Variants in RCCD1 observed in about 807,000 individuals in gnomAD.
RCCD1 encodes RCC1 domain containing 1, also known as RCC1 domain-containing protein 1.
In RCCD1, 40 loss-of-function variants were observed where a neutral mutation model predicts 37.6. The ratio of observed to expected loss-of-function variants is 1.06; its 90% CI spans 0.83 to 1.39. RCCD1 has a LOEUF of 1.39. Among genes scored for constraint, RCCD1 ranks in the 40% most tolerant of loss-of-function variants. The pLI, the probability that RCCD1 is intolerant of heterozygous loss-of-function variation, is 0.00. For synonymous variants in RCCD1, 263 were observed against 230.0 expected (o/e 1.14, Z -1.30); for missense variants, 577 against 517.3 (o/e 1.12, Z -1.12).
intron 6 of RCCD1, 177 bp downstream of exon 6, chr15:90,960,675 C>G: frequency 1.5e-6 from 1 of 647,890 alleles, no homozygotes; most frequent in South Asian, 1.9e-5. Flanking sequence ...GCCTGTCAGG[C>G]CCAGAAGTTT....
rs2037278996 is a variant in RCCD1, at chr15:90,959,896, T to TAA, written c.680-4_680-3insAA. The stretch of plus-strand genomic sequence containing the variant: ...GTTTCATGTGTCCCCTTGATCTCTT[T>TAA]CAGAGACTGGGGATATTTATATCTG... On this transcript the variant is annotated splice_region_variant and splice_polypyrimidine_tract_variant and intron_variant, in intron 4 of 7. Transcript: ENST00000394258. The TAA allele has an allele frequency of 6.2e-7, 1 of 1,606,692 alleles. No homozygotes were observed. The highest frequency in any genetic ancestry group is 1.3e-5 in the African/African-American group (1 of 74,750).
At position 90,959,898 on chromosome 15, in the gene RCCD1, A is replaced by G. The variant is rs1303684439; in HGVS notation, c.680-2A>G. On this transcript the variant is annotated splice_acceptor_variant, in intron 4 of 7. Coordinates refer to ENST00000394258, the MANE Select transcript of RCCD1 (RefSeq NM_001017919.2). LOFTEE classifies it high-confidence loss of function. ...TTCATGTGTCCCCTTGATCTCTTTC[A>G]GAGACTGGGGATATTTATATCTGGG... is the stretch of plus-strand genomic sequence containing the variant. 4 of 1,609,050 alleles carry G rather than the reference A, an allele frequency of 2.5e-6. No individual in the cohort carries two copies. The highest frequency in any genetic ancestry group is 1.1e-5 in the South Asian group (1 of 90,762).
Position 90,961,721 on chromosome 15 carries a change from T to A in RCCD1, c.1083T>A (p.Cys361Ter), listed in dbSNP as rs770584813. 5 of 1,614,152 alleles carry A rather than the reference T, an allele frequency of 3.1e-6. No individual in the cohort carries two copies. Among genetic ancestry groups the A allele is most frequent in the Non-Finnish European group, 1.7e-6 (2 of 1,180,020 alleles). The change falls in exon 8 of 8, where the codon TGT (cysteine) becomes TGA (stop). Residue 361 changes from cysteine to a stop codon, truncating the protein, a stop_gained. Transcript: ENST00000394258. LOFTEE classifies it high-confidence loss of function. ...DKQLQVKAVTCGPWNTYVYAV... is the reference protein window; with the variant it reads ...DKQLQVKAVT ...AACTCCAAGTAAAGGCTGTCACCTG[T>A]GGGCCGTGGAACACCTACGTGTATG...
At position 90,959,922 on chromosome 15, in the gene RCCD1, G is replaced by A. The variant is rs1260120312; in HGVS notation, c.702G>A (p.Trp234Ter). The A allele has an allele frequency of 1.2e-6, 2 of 1,613,298 alleles. No homozygotes were observed. Among genetic ancestry groups the A allele is most frequent in the Non-Finnish European group, 1.7e-6 (2 of 1,179,562 alleles). The change falls in exon 5 of 8, where the codon TGG becomes TGA. Residue 234 changes from tryptophan (W) to a stop codon, truncating the protein, a stop_gained. Transcript: ENST00000394258. LOFTEE classifies it high-confidence loss of function. ...CAGAGACTGGGGATATTTATATCTG[G>A]GGCTGGAATGAATCAGGGCAGCTGG... Reference protein sequence around the residue: ...CVSETGDIYIWGWNESGQLAL... With the variant: ...CVSETGDIYI
At chr15:90,958,424 C>T (rs1169819897) in intron 4 of RCCD1, among the ~76,000 whole-genome samples, 2 of 151,846 alleles carry the variant, frequency 1.3e-5, no homozygotes, top group African/African-American at 4.8e-5. Context: ...GTCAGGAGTT[C>T]GAGATCAGCC....
At chr15:90,958,168 C>G (rs1449824848) in intron 4 of RCCD1, among the ~76,000 whole-genome samples, 3 of 152,200 alleles carry the variant, frequency 2.0e-5, no homozygotes, top group Non-Finnish European at 4.4e-5. Context: ...GTGGTGGTGC[C>G]ACAGCTGGCC....
intron 7 of RCCD1, 150 bp downstream of exon 7, chr15:90,961,204 G>T (rs2037307975): frequency 1.4e-6 from 1 of 739,658 alleles, no homozygotes; most frequent in East Asian, 2.6e-5. Context: ...CCCTGGGGTT[G>T]GAACAGACAT....
intron 1 of RCCD1, 65 bp from the exon 2 acceptor site, chr15:90,956,547 G>A: frequency 2.0e-6 from 1 of 497,958 alleles, no homozygotes; most frequent in Non-Finnish European, 3.1e-6. Context: ...CGCCTGCTCA[G>A]CGAACCTTCG....
intron 1 of RCCD1, chr15:90,956,015 A>G (rs1159218300): frequency 6.6e-6 from 1 of 152,224 alleles, no homozygotes; most frequent in Non-Finnish European, 1.5e-5. Context: ...TACTCGCACC[A>G]AACCCTTTAT....
intron 7 of RCCD1, 136 bp downstream of exon 7, chr15:90,961,190 C>T (rs2037307819): frequency 2.4e-6 from 2 of 820,990 alleles, no homozygotes; most frequent in Admixed American, 2.4e-5. Flanking sequence ...CAGGACTGCT[C>T]CCTCCCTGGG....
chr15:90,956,865 T>G lies in RCCD1; in HGVS notation c.131T>G (p.Val44Gly), dbSNP rs1172603134. Residue 44 changes from valine to glycine, a missense_variant, in exon 2 of 8, where the codon GTG becomes GGG. By Grantham distance (109) the Val-to-Gly change is moderately radical. Coordinates refer to ENST00000394258, the MANE Select transcript of RCCD1 (RefSeq NM_001017919.2). Reference sequence around the variant, plus strand: ...CGGGCGGGCGTCGACATCTGCCGCGTGAGCGCGAGCTGGAGCTACACCGCT... The same window carrying G: ...CGGGCGGGCGTCGACATCTGCCGCGGGAGCGCGAGCTGGAGCTACACCGCT... ...PLRAGVDICR[V>G]SASWSYTAFV... The G allele has an allele frequency of 7.7e-7, 1 of 1,291,066 alleles. No homozygotes were observed. Among genetic ancestry groups the G allele is most frequent in the East Asian group, 2.9e-5 (1 of 34,182 alleles). The allele number at this position is 1,291,066 out of a possible 1,614,324, so 80.0% of individuals were successfully genotyped here. A position where few individuals can be genotyped will look rare whatever the true frequency, so the allele number is the denominator to read the frequency against.
intron 4 of RCCD1, chr15:90,959,684 G>T (rs1014212958): frequency 1.7e-5 from 7 of 412,156 alleles, no homozygotes; most frequent in Non-Finnish European, 2.6e-5. Flanking sequence ...GAAGTAGAAG[G>T]TCCAGTAAGG....
chr15:90,960,374 G>T lies in RCCD1; in HGVS notation c.825G>T (p.Gly275=), dbSNP rs1271667246. Residue 275 remains glycine (G), a synonymous_variant, in exon 6 of 8, where the codon GGG becomes GGT. Transcript: ENST00000394258. ...EDGSQVKRTG[G]AEDGAPAPFI... Reference sequence around the variant, plus strand: ...GTTCTCAGGTGAAGAGAACGGGTGGGGCTGAGGATGGAGCCCCTGCCCCCT... The same window carrying T: ...GTTCTCAGGTGAAGAGAACGGGTGGTGCTGAGGATGGAGCCCCTGCCCCCT... 1 of 1,613,542 alleles carries T rather than the reference G, an allele frequency of 6.2e-7. No individual in the cohort carries two copies. The highest frequency in any genetic ancestry group is 1.3e-5 in the African/African-American group (1 of 74,906).
rs746041468 is a variant in RCCD1 at position 90,958,669 on chromosome 15, C to CCT, written c.679+946_679+947dup. Among the ~76,000 whole-genome samples the CCT allele has an allele frequency of 3.7e-4, 56 of 150,372 alleles. 1 individual carries two copies. The highest frequency in any genetic ancestry group is 6.3e-4 in the Non-Finnish European group (43 of 67,724). On this transcript the variant is annotated intron_variant, in intron 4 of 7. Transcript: ENST00000394258. The stretch of plus-strand genomic sequence containing the variant: ...AAAAAAGAAAAGCTACCAGTGCCTT[C>CCT]CTCCACACCATATTCTCATGGAATG...
Position 90,957,309 on chromosome 15 carries a change from G to T in RCCD1, c.363G>T (p.Gly121=). ...WAQNVVPEAE[G]EDDPAGEAQA... ...AGAATGTGGTGCCCGAGGCCGAAGG[G>T]GAAGACGATCCGGCCGGTGAGGCCC... Residue 121 remains glycine (G), a synonymous_variant, in exon 3 of 8, where the codon GGG becomes GGT. Transcript: ENST00000394258. 1.3e-6 allele frequency: 2 copies of T among 1,539,266 alleles called. No homozygotes were observed. Among genetic ancestry groups the T allele is most frequent in the East Asian group, 2.5e-5 (1 of 40,492 alleles).
chr15:90,961,570 C>T, intron 7 of RCCD1, 48 bp from the exon 8 acceptor site: 2 of 1,572,786 alleles, frequency 1.3e-6, no homozygotes, highest in Middle Eastern at 1.9e-4. Context: ...GGGAAAGCAG[C>T]AGCAAGACCC....
In RCCD1 at chr15:90,960,406, C is replaced by G. The variant is rs2037290747; in HGVS notation, c.857C>G (p.Ala286Gly). ...AEDGAPAPFI[A>G]VQPFPALLDL... The stretch of plus-strand genomic sequence containing the variant: ...GATGGAGCCCCTGCCCCCTTCATAG[C>G]TGTCCAGCCCTTCCCGGCATTACTG... The change falls in exon 6 of 8, where the codon GCT becomes GGT. Residue 286 changes from alanine (A) to glycine (G), a missense_variant. Coordinates refer to ENST00000394258, the MANE Select transcript of RCCD1 (RefSeq NM_001017919.2). 3 of 1,613,820 alleles carry G rather than the reference C, an allele frequency of 1.9e-6. No individual in the cohort carries two copies. The East Asian group carries it at 6.7e-5, about 36-fold the overall frequency.
Position 90,959,953 on chromosome 15 carries a change from C to T in RCCD1, c.733C>T (p.Pro245Ser). ...GWNESGQLAL[P>S]TRNLAEDGET... The stretch of plus-strand genomic sequence containing the variant: ...GAATGAATCAGGGCAGCTGGCCCTG[C>T]CCACCAGGAACCTGGCAGAGGATGG... The change falls in exon 5 of 8, where the codon CCC becomes TCC. Residue 245 changes from proline to serine, a missense_variant. Pro to Ser is a moderately conservative substitution (Grantham distance 74). Transcript: ENST00000394258. 1 of 1,613,714 alleles carries T rather than the reference C, an allele frequency of 6.2e-7. No individual in the cohort carries two copies. Among genetic ancestry groups the T allele is most frequent in the South Asian group, 1.1e-5 (1 of 91,042 alleles).
intron 2 of RCCD1, 101 bp downstream of exon 2, chr15:90,957,001 G>T: frequency 7.8e-7 from 1 of 1,276,810 alleles, no homozygotes; most frequent in South Asian, 2.6e-5. Context: ...CGTTCAGGCC[G>T]CCAGCCCCAC....
Sources: allele counts gnomAD v4.1 joint callset (sites outside exome capture counted in the v4.1 genomes callset), GRCh38; gene constraint gnomAD v4.1.1; transcripts MANE v1.5; gene names NCBI Gene and HGNC (gene_info 2026-07-23, HGNC 2026-07-21).